L3MBTL3: variants seen among roughly 807,000 people sequenced by gnomAD.
L3MBTL3 encodes the protein L3MBTL histone methyl-lysine binding protein 3.
Under a neutral mutation model 102.3 loss-of-function variants are expected in L3MBTL3, and 27 were observed. The ratio of observed to expected loss-of-function variants is 0.26; its 90% CI spans 0.19 to 0.36. The LOEUF is 0.36. Among genes scored for constraint, L3MBTL3 ranks in the 10% least tolerant of loss-of-function variants. The pLI, the probability that L3MBTL3 is intolerant of heterozygous loss-of-function variation, is 1.00. For synonymous variants in L3MBTL3, 340 were observed against 320.9 expected, an observed-to-expected ratio of 1.06 and a Z score of -0.64; for missense variants, 798 against 955.3, an observed-to-expected ratio of 0.84 and a Z score of 2.17.
chr6:130,020,823 C>G (rs987263195), intron 1 of L3MBTL3, among the ~76,000 whole-genome samples: 6 of 151,656 alleles, frequency 4.0e-5, no homozygotes, highest in Non-Finnish European at 8.8e-5. Flanking sequence ...GGCCCTCCCC[C>G]TCACCGCCCC....
intron 7 of L3MBTL3, among the ~76,000 whole-genome samples, chr6:130,053,721 G>T (rs999219257): frequency 6.6e-6 from 1 of 151,810 alleles, no homozygotes; most frequent in South Asian, 2.1e-4. Flanking sequence ...CATTCAAAAT[G>T]TGTGAATTAA....
intron 2 of L3MBTL3, among the ~76,000 whole-genome samples, chr6:130,039,768 TAGA>T (rs1157919500): frequency 6.6e-6 from 1 of 152,220 alleles, no homozygotes; most frequent in African/African-American, 2.4e-5. Flanking sequence ...TCTAATTTAA[TAGA>T]AGATAGCTGG....
chr6:130,088,400 C>G (rs1176179503), intron 16 of L3MBTL3, among the ~76,000 whole-genome samples: 1 of 152,122 alleles, frequency 6.6e-6, no homozygotes, highest in Non-Finnish European at 1.5e-5. Flanking sequence ...AGCAGGAAAA[C>G]TCATCTTTCT....
intron 19 of L3MBTL3, among the ~76,000 whole-genome samples, chr6:130,110,272 C>G (rs560857841): frequency 6.6e-6 from 1 of 152,278 alleles, no homozygotes; most frequent in African/African-American, 2.4e-5. Flanking sequence ...AGCATTGAAT[C>G]TATAAATTAC....
At chr6:130,076,761 G>C (rs62421347) in intron 13 of L3MBTL3, among the ~76,000 whole-genome samples, 1 of 152,060 alleles carries the variant, frequency 6.6e-6, no homozygotes, top group African/African-American at 2.4e-5. Context: ...GTAGCAGAAG[G>C]CTATCACAGC....
At chr6:130,024,899 C>T (rs1292755796) in intron 2 of L3MBTL3, among the ~76,000 whole-genome samples, 1 of 152,128 alleles carries the variant, frequency 6.6e-6, no homozygotes, top group Non-Finnish European at 1.5e-5. Flanking sequence ...GCTGTTGAAC[C>T]AGGAAACATG....
At position 130,133,539 on chromosome 6, in the gene L3MBTL3, T is replaced by G; in HGVS notation, c.2054T>G (p.Leu685Trp). 1 of 1,614,106 alleles carries G rather than the reference T, an allele frequency of 6.2e-7. No homozygotes were observed. The highest frequency in any genetic ancestry group is 8.5e-7 in the Non-Finnish European group (1 of 1,179,992). Residue 685 changes from leucine to tryptophan, a missense_variant, in exon 21 of 23, where the codon TTG becomes TGG. Coordinates refer to ENST00000361794, the MANE Select transcript of L3MBTL3 (RefSeq NM_032438.4). The surrounding 1 kb of genome is among the most constrained non-coding windows in gnomAD (Gnocchi z 4.9). Reference sequence around the variant, plus strand: ...AAGTCCCCAATTCCATGTCTGCCCTTGCGCTGGGAGCAGCAAAGCAAACTT... The same window carrying G: ...AAGTCCCCAATTCCATGTCTGCCCTGGCGCTGGGAGCAGCAAAGCAAACTT... ...SFKSPIPCLP[L>W]RWEQQSKLLP...
intron 19 of L3MBTL3, among the ~76,000 whole-genome samples, chr6:130,115,140 G>A (rs896240383): frequency 3.3e-5 from 5 of 151,984 alleles, no homozygotes; most frequent in Non-Finnish European, 7.4e-5. Flanking sequence ...CATCTTCCCC[G>A]CTTGTTACTG....
At chr6:130,121,639 T>G (rs975977609) in intron 20 of L3MBTL3, among the ~76,000 whole-genome samples, 3 of 152,202 alleles carry the variant, frequency 2.0e-5, no homozygotes, top group Non-Finnish European at 4.4e-5. Flanking sequence ...TGATATCATT[T>G]GCTTCCTGTG....
At position 130,133,822 on chromosome 6, in the gene L3MBTL3, T is replaced by C; in HGVS notation, c.2137-21T>C. ...TCTGACTGTGTTTTTTAACTGGGAATTTTGATATTGCTTTTGACAGGTGTC... is the reference window on the plus strand; with the variant it reads ...TCTGACTGTGTTTTTTAACTGGGAACTTTGATATTGCTTTTGACAGGTGTC... On this transcript the variant is annotated intron_variant, in intron 21 of 22. Transcript: ENST00000361794. This position sits in a 1 kb window ranked among gnomAD's most constrained non-coding sequence, Gnocchi z 4.9. 1 of 1,603,448 alleles carries C rather than the reference T, an allele frequency of 6.2e-7. No individual in the cohort carries two copies. The highest frequency in any genetic ancestry group is 1.1e-5 in the South Asian group (1 of 90,846).
chr6:130,126,921 G>T (rs1433573654), intron 20 of L3MBTL3, among the ~76,000 whole-genome samples: 1 of 152,156 alleles, frequency 6.6e-6, no homozygotes, highest in Non-Finnish European at 1.5e-5. Flanking sequence ...TTTCATAGAA[G>T]AAAGGAGAAT....
chr6:130,030,560 G>C (rs1011511105), intron 2 of L3MBTL3, among the ~76,000 whole-genome samples: 4 of 151,280 alleles, frequency 2.6e-5, no homozygotes, highest in Non-Finnish European at 5.9e-5. Flanking sequence ...CCAGCTACTC[G>C]GGAGGTTGAG....
intron 20 of L3MBTL3, among the ~76,000 whole-genome samples, 176 bp downstream of exon 20, chr6:130,121,134 G>A (rs1347285462): frequency 2.6e-5 from 4 of 152,060 alleles, no homozygotes; most frequent in South Asian, 4.1e-4. Flanking sequence ...AGGTAAACTC[G>A]TGTCATGAGG....
chr6:130,020,342 G>A (rs1302847693), intron 1 of L3MBTL3: 1 of 151,728 alleles, frequency 6.6e-6, no homozygotes, highest in Non-Finnish European at 1.5e-5. Context: ...CGCCGGGCGG[G>A]GAGAAAAACT....
At chr6:130,049,496 T>C in intron 4 of L3MBTL3, 103 bp downstream of exon 4, 1 of 789,720 alleles carries the variant, frequency 1.3e-6, no homozygotes, top group Non-Finnish European at 2.0e-6. Flanking sequence ...CCCCGGGTAA[T>C]TTTTGTGCCT....
chr6:130,112,746 A>G (rs190151464), intron 19 of L3MBTL3, among the ~76,000 whole-genome samples: 1 of 152,136 alleles, frequency 6.6e-6, no homozygotes, highest in Admixed American at 6.5e-5. Context: ...GGTATGCCGA[A>G]TGCTTGGATC....
At chr6:130,070,035 G>C (rs938435397) in intron 12 of L3MBTL3, among the ~76,000 whole-genome samples, 1 of 152,170 alleles carries the variant, frequency 6.6e-6, no homozygotes, top group African/African-American at 2.4e-5. Flanking sequence ...ATGAGAGATA[G>C]CATTTATTTT....
At chr6:130,101,842 A>G (rs1784709281) in intron 18 of L3MBTL3, among the ~76,000 whole-genome samples, 1 of 152,160 alleles carries the variant, frequency 6.6e-6, no homozygotes, top group African/African-American at 2.4e-5. Context: ...CTGAATTAGG[A>G]TCCCGTGAAA....
chr6:130,058,177 T>A (rs112934036), intron 9 of L3MBTL3, among the ~76,000 whole-genome samples: 220 of 122,356 alleles, frequency 1.8e-3, no homozygotes, highest in African/African-American at 6.8e-3. Context: ...AAAAAAAAAA[T>A]GAGTTACTAC....
Sources: gnomAD v4.1 joint callset for allele counts (sites outside exome capture counted in the v4.1 genomes callset) on GRCh38, gnomAD v4.1.1 for gene constraint, Gnocchi (gnomAD v3.1) non-coding constraint, MANE v1.5 for transcripts, NCBI Gene and HGNC (gene_info 2026-07-23, HGNC 2026-07-21) for gene names.